Variants in ZEB2 observed in about 807,000 individuals in gnomAD.
The protein encoded by ZEB2 is zinc finger E-box binding homeobox 2.
In ZEB2, 6 loss-of-function variants were observed where a neutral mutation model predicts 99.9. The observed-to-expected ratio is 0.06, with a 90% confidence interval of 0.03 to 0.12. ZEB2 has a LOEUF of 0.12. Among genes scored for constraint, ZEB2 ranks in the 10% least tolerant of loss-of-function variants. ZEB2 has a pLI of 1.00. For missense variants in ZEB2, 969 were observed against 1,502.8 expected, an observed-to-expected ratio of 0.64 and a Z score of 5.87; for synonymous variants, 517 against 542.5, an observed-to-expected ratio of 0.95 and a Z score of 0.65.
At chr2:144,448,130 C>T (rs991991183) in intron 2 of ZEB2, among the ~76,000 whole-genome samples, 1 of 152,120 alleles carries the variant, frequency 6.6e-6, no homozygotes, top group Non-Finnish European at 1.5e-5. Context: ...CAGTGAGTTC[C>T]GTATCATTCT....
At chr2:144,433,806 A>T (rs1703803470) in intron 2 of ZEB2, among the ~76,000 whole-genome samples, 1 of 152,212 alleles carries the variant, frequency 6.6e-6, no homozygotes, top group Non-Finnish European at 1.5e-5. Context: ...CCTTGCCTAT[A>T]CATATAACTT....
At position 144,459,974 on chromosome 2, in the gene ZEB2, T is replaced by A. The variant is rs963385710; in HGVS notation, c.74-29948A>T. On this transcript the variant is annotated intron_variant, in intron 2 of 9. Transcript: ENST00000627532. ...ACATACTGGGTCCCGTAAGGAGAGA[T>A]CCTGAAGAAAATATGAAGAAAGGTT... Among the ~76,000 whole-genome samples, 11 of 152,088 alleles carry A rather than the reference T, an allele frequency of 7.2e-5. No individual in the cohort carries two copies. The East Asian group carries it at 1.9e-3, about 27-fold the overall frequency.
intron 2 of ZEB2, among the ~76,000 whole-genome samples, chr2:144,437,019 A>T (rs1384828976): frequency 6.6e-6 from 1 of 152,126 alleles, no homozygotes; most frequent in East Asian, 1.9e-4. Context: ...AATGGTTTTG[A>T]TTACCTTACT....
Position 144,400,170 on chromosome 2 carries a change from A to G in ZEB2, c.1017T>C (p.Ser339=), listed in dbSNP as rs1311422220. The change falls in exon 8 of 10, where the codon TCT becomes TCC. Residue 339 remains serine (S), a synonymous_variant. Coordinates refer to ENST00000627532, the MANE Select transcript of ZEB2 (RefSeq NM_014795.4). ...ISSKKCIGLI[S]VNGRMRNNIK... ...TATTGTTTCTCATTCGGCCATTTAC[A>G]GAGATTAAACCAATACATTTCTTGC... The G allele has an allele frequency of 1.9e-6, 3 of 1,614,066 alleles. No individual in the cohort carries two copies. The highest frequency in any genetic ancestry group is 1.7e-5 in the Admixed American group (1 of 60,010).
intron 2 of ZEB2, chr2:144,430,733 AAAATAACTC>A (rs1322851144): frequency 5.7e-5 from 9 of 157,754 alleles, no homozygotes. Flanking sequence ...CACAAATGTT[AAAATAACTC>A]ACAAGAACCG....
At chr2:144,498,661 A>C (rs1704824306) in intron 2 of ZEB2, among the ~76,000 whole-genome samples, 1 of 152,162 alleles carries the variant, frequency 6.6e-6, no homozygotes, top group South Asian at 2.1e-4. Context: ...ACAGATTTAA[A>C]TATGAGAGAA....
chr2:144,410,946 G>A (rs150369476), intron 4 of ZEB2, among the ~76,000 whole-genome samples: 1 of 150,802 alleles, frequency 6.6e-6, no homozygotes, highest in East Asian at 1.9e-4. Context: ...ACTAGTGCCA[G>A]TGTTCTTGGA....
At chr2:144,516,223 C>CG (rs982541919) in intron 2 of ZEB2, 49 of 85,718 alleles carry the variant, frequency 5.7e-4, no homozygotes, top group African/African-American at 2.8e-3. Flanking sequence ...AGCTCCCCCA[C>CG]CCCCCCCCGG....
chr2:144,433,836 T>C (rs1223253298), intron 2 of ZEB2, among the ~76,000 whole-genome samples: 1 of 152,192 alleles, frequency 6.6e-6, no homozygotes, highest in Non-Finnish European at 1.5e-5. Flanking sequence ...GATTTTTGTG[T>C]TCTGGTGACA....
chr2:144,387,682 C>T lies in ZEB2; in HGVS notation c.*1769G>A, dbSNP rs192270522. The T allele has an allele frequency of 1.3e-5, 2 of 152,170 alleles. No individual in the cohort carries two copies. Among genetic ancestry groups the T allele is most frequent in the African/African-American group, 4.8e-5 (2 of 41,544 alleles). 9.4% of individuals were successfully genotyped at this position (152,170 alleles called of 1,614,324 possible). A position where few individuals can be genotyped will look rare whatever the true frequency, so the allele number is the denominator to read the frequency against. Reference sequence around the variant, plus strand: ...TTTTTTGAATAAATCACAAAGACCCCTTGGACAGAGAAGTGAATTTTTAAC... The same window carrying T: ...TTTTTTGAATAAATCACAAAGACCCTTTGGACAGAGAAGTGAATTTTTAAC... On this transcript the variant is annotated 3_prime_UTR_variant, in exon 10 of 10. Coordinates refer to ENST00000627532, the MANE Select transcript of ZEB2 (RefSeq NM_014795.4).
chr2:144,421,613 T>C (rs746607222), intron 4 of ZEB2, among the ~76,000 whole-genome samples: 4 of 152,136 alleles, frequency 2.6e-5, no homozygotes, highest in African/African-American at 4.8e-5. Flanking sequence ...AAATTCTCTT[T>C]CTTTGCTTCT....
chr2:144,494,697 C>G (rs1704735585), intron 2 of ZEB2: 1 of 152,152 alleles, frequency 6.6e-6, no homozygotes, highest in African/African-American at 2.4e-5. Flanking sequence ...AACTCCATCT[C>G]CAAAGCCTAG....
At chr2:144,459,329 A>G (rs1384269724) in intron 2 of ZEB2, among the ~76,000 whole-genome samples, 1 of 152,196 alleles carries the variant, frequency 6.6e-6, no homozygotes, top group Admixed American at 6.5e-5. Flanking sequence ...ACGGGGCTGC[A>G]AAAAGGACAG....
intron 2 of ZEB2, among the ~76,000 whole-genome samples, chr2:144,453,035 T>C (rs1458819741): frequency 6.6e-6 from 1 of 152,234 alleles, no homozygotes; most frequent in African/African-American, 2.4e-5. Context: ...ATTTAGTTTC[T>C]ATATTATAGG....
At chr2:144,464,755 T>C (rs926787926) in intron 2 of ZEB2, among the ~76,000 whole-genome samples, 29 of 152,304 alleles carry the variant, frequency 1.9e-4, no homozygotes, top group African/African-American at 7.0e-4. Flanking sequence ...TATTATGCAT[T>C]AAATTATTTT....
intron 4 of ZEB2, among the ~76,000 whole-genome samples, chr2:144,412,706 C>G (rs1190967069): frequency 6.6e-6 from 1 of 152,210 alleles, no homozygotes; most frequent in African/African-American, 2.4e-5. Flanking sequence ...GAGAGAAGCA[C>G]AATTGGTCCC....
chr2:144,519,993 A>G lies in ZEB2; in HGVS notation c.-124T>C. 2.2e-6 allele frequency: 1 copy of G among 454,554 alleles called. No individual in the cohort carries two copies. The highest frequency in any genetic ancestry group is 1.6e-5 in the South Asian group (1 of 64,470). The allele number at this position is 454,554 out of a possible 1,614,324, so 28.2% of individuals were successfully genotyped here. A position where few individuals can be genotyped will look rare whatever the true frequency, so the allele number is the denominator to read the frequency against. On this transcript the variant is annotated 5_prime_UTR_variant, in exon 1 of 10. Transcript: ENST00000627532. ...GAAATGGTGAGAAGAAAAAGCATGA[A>G]GAAGCCGCGAAGTGTGGGGGAGAAA...
intron 2 of ZEB2, among the ~76,000 whole-genome samples, chr2:144,446,304 T>C (rs1409826852): frequency 6.6e-6 from 1 of 152,104 alleles, no homozygotes; most frequent in Non-Finnish European, 1.5e-5. Flanking sequence ...CTTTCCCCTC[T>C]TTCCGTCCTT....
chr2:144,519,926 A>G lies in ZEB2; in HGVS notation c.-70+13T>C, dbSNP rs541531050. ...GGATAAAAAGAGAGAAAAGGGGAGG[A>G]AAAAAAACCTACCTGCGAAGTCTTG... is the stretch of plus-strand genomic sequence containing the variant. On this transcript the variant is annotated intron_variant, in intron 1 of 9. Coordinates refer to ENST00000627532, the MANE Select transcript of ZEB2 (RefSeq NM_014795.4). The G allele has an allele frequency of 4.7e-5, 21 of 444,658 alleles. No individual in the cohort carries two copies. Among genetic ancestry groups the G allele is most frequent in the African/African-American group, 3.7e-4 (18 of 49,110 alleles). The allele number at this position is 444,658 out of a possible 1,614,324, so 27.5% of individuals were successfully genotyped here.
Sources: allele counts gnomAD v4.1 joint callset (sites outside exome capture counted in the v4.1 genomes callset), GRCh38; gene constraint gnomAD v4.1.1; transcripts MANE v1.5; gene names NCBI Gene and HGNC (gene_info 2026-07-23, HGNC 2026-07-21).